C10orf105: variants seen among roughly 807,000 people sequenced by gnomAD.
The protein encoded by C10orf105 is uncharacterized protein C10orf105.
In C10orf105, 2 loss-of-function variants were observed where a neutral mutation model predicts 0.6. That is an observed-to-expected ratio of 3.18 (90% CI 1.30 to 10.01). The LOEUF is 10.01. Among genes scored for constraint, C10orf105 ranks in the 30% most tolerant of loss-of-function variants. C10orf105 has a pLI of 0.04. For missense variants in C10orf105, 209 were observed against 191.4 expected, an observed-to-expected ratio of 1.09 and a Z score of -0.54; for synonymous variants, 95 against 82.4, an observed-to-expected ratio of 1.15 and a Z score of -0.83.
At position 71,713,219 on chromosome 10, in the gene C10orf105, C is replaced by G. The variant is rs761307393; in HGVS notation, c.*2717G>C. The G allele has an allele frequency of 9.0e-6, 7 of 779,078 alleles. No individual in the cohort carries two copies. Among genetic ancestry groups the G allele is most frequent in the South Asian group, 8.1e-5 (6 of 74,478 alleles). The allele number at this position is 779,078 out of a possible 1,614,324, so 48.3% of individuals were successfully genotyped here. ...TCACAGAGCCCTTGGCCGAGGCTCC[C>G]CTCTTGGGAAGTAAACAGGCACAAG... On this transcript the variant is annotated 3_prime_UTR_variant, in exon 2 of 2. Transcript: ENST00000441508.
At chr10:71,734,234 C>A in intron 1 of C10orf105, 1 of 1,604,586 alleles carries the variant, frequency 6.2e-7, no homozygotes, top group Non-Finnish European at 8.5e-7. Context: ...GGCCCCTTCC[C>A]TGCAGGGTGT....
At chr10:71,729,493 C>A (rs1839281435) in intron 1 of C10orf105, among the ~76,000 whole-genome samples, 1 of 152,202 alleles carries the variant, frequency 6.6e-6, no homozygotes, top group African/African-American at 2.4e-5. Flanking sequence ...GCCCATCAAT[C>A]ATTGGCTCAG....
chr10:71,727,848 A>G (rs1866886008), intron 1 of C10orf105, among the ~76,000 whole-genome samples: 1 of 152,226 alleles, frequency 6.6e-6, no homozygotes, highest in South Asian at 2.1e-4. Context: ...CCACTTGCTC[A>G]GCAAGAACCT....
chr10:71,732,462 T>G, intron 1 of C10orf105: 1 of 1,522,040 alleles, frequency 6.6e-7, no homozygotes, highest in Non-Finnish European at 8.8e-7. Context: ...ACTCTCCTCT[T>G]TGTCATAAAA....
At chr10:71,731,303 G>A (rs2132822605) in intron 1 of C10orf105, among the ~76,000 whole-genome samples, 1 of 152,336 alleles carries the variant, frequency 6.6e-6, no homozygotes, top group East Asian at 1.9e-4. Context: ...CTACTCTGGT[G>A]GCTCCCAACT....
intron 1 of C10orf105, among the ~76,000 whole-genome samples, chr10:71,736,376 C>T (rs1390285455): frequency 6.6e-6 from 1 of 152,218 alleles, no homozygotes; most frequent in Non-Finnish European, 1.5e-5. Context: ...GGAACCCAAA[C>T]CACAGCTCAC....
chr10:71,720,420 AACACACACACACACAC>A (rs57346519), upstream of C10orf105, among the ~76,000 whole-genome samples: 45 of 145,750 alleles, frequency 3.1e-4, no homozygotes, highest in Non-Finnish European at 5.4e-4. Context: ...CTCTTTCCAA[AACACACACACACACAC>A]ACACACACAC....
At chr10:71,729,568 G>A (rs1839283375) in intron 1 of C10orf105, among the ~76,000 whole-genome samples, 1 of 152,194 alleles carries the variant, frequency 6.6e-6, no homozygotes, top group Admixed American at 6.5e-5. Flanking sequence ...CAACAGCCCG[G>A]GTGTGGGTGC....
At chr10:71,734,334 C>T in intron 1 of C10orf105, 1 of 1,607,812 alleles carries the variant, frequency 6.2e-7, no homozygotes, top group Non-Finnish European at 8.5e-7. Context: ...AAGGTGGACT[C>T]CACCGTGGTG....
upstream of C10orf105, among the ~76,000 whole-genome samples, chr10:71,724,597 C>T (rs1866723872): frequency 6.6e-6 from 1 of 152,196 alleles, no homozygotes; most frequent in Non-Finnish European, 1.5e-5. Context: ...CCACCGTGCC[C>T]CTGGGTTGGC....
At chr10:71,734,099 A>G (rs1839480544) in intron 1 of C10orf105, 7 of 719,098 alleles carry the variant, frequency 9.7e-6, no homozygotes. Flanking sequence ...GTGAGAGAGA[A>G]GAAGGAATTC....
intron 1 of C10orf105, chr10:71,725,448 G>A (rs1866766532): frequency 2.5e-6 from 4 of 1,614,040 alleles, no homozygotes; most frequent in Non-Finnish European, 3.4e-6. Flanking sequence ...TGGACCGGGA[G>A]CGGAACTCAT....
Position 71,734,080 on chromosome 10 carries a change from C to T in C10orf105, c.-6+3648G>A, listed in dbSNP as rs141789033. On this transcript the variant is annotated intron_variant, in intron 1 of 1. Transcript: ENST00000398786. ...AGGCTTCATGGAAGAGGTGGCTTCC[C>T]AGTGGAATGTGAGAGAGAAGAAGGA... 0.014 allele frequency among the ~76,000 whole-genome samples: 2,124 copies of T among 152,304 alleles called. 41 individuals are homozygous for T. Among genetic ancestry groups the T allele is most frequent in the Non-Finnish European group, 0.015 (1,054 of 68,024 alleles).
At chr10:71,732,496 G>A (rs1839426594) in intron 1 of C10orf105, 3 of 1,433,406 alleles carry the variant, frequency 2.1e-6, no homozygotes, top group Non-Finnish European at 2.8e-6. Context: ...GCCAAGTGTG[G>A]TGTTAGGTAC....
At position 71,712,735 on chromosome 10, in the gene C10orf105, C is replaced by T. The variant is rs1866028125; in HGVS notation, c.*3201G>A. On this transcript the variant is annotated 3_prime_UTR_variant, in exon 2 of 2. Coordinates refer to ENST00000441508, the MANE Select transcript of C10orf105 (RefSeq NM_001164375.3). ...TCGTCACTGTCCTGGATGTGAATGA[C>T]AACCGGCCCATCTTTCTGCAGAGCA... The T allele has an allele frequency of 6.2e-7, 1 of 1,613,708 alleles. No individual in the cohort carries two copies. The highest frequency in any genetic ancestry group is 8.5e-7 in the Non-Finnish European group (1 of 1,179,848).
At chr10:71,728,987 C>A (rs1017289453) in intron 1 of C10orf105, among the ~76,000 whole-genome samples, 1 of 152,062 alleles carries the variant, frequency 6.6e-6, no homozygotes, top group South Asian at 2.1e-4. Context: ...CGTGCTATCA[C>A]CCCTGGCTAA....
upstream of C10orf105, among the ~76,000 whole-genome samples, chr10:71,722,198 T>C (rs1214720053): frequency 6.6e-6 from 1 of 152,126 alleles, no homozygotes; most frequent in East Asian, 1.9e-4. Flanking sequence ...CCCACCACTT[T>C]GGGAAGCCAA....
Position 71,712,523 on chromosome 10 carries a change from GA to G in C10orf105, c.*3412del, listed in dbSNP as rs2132759756. ...TTAGTGTTATTCCTAAGCTAAAAAG[GA>G]AGTCACCCCTTGCAAAGGCTAGGGC... On this transcript the variant is annotated 3_prime_UTR_variant, in exon 2 of 2. Transcript: ENST00000441508. 2 of 774,876 alleles carry G rather than the reference GA, an allele frequency of 2.6e-6. No homozygotes were observed. Among genetic ancestry groups the G allele is most frequent in the South Asian group, 3.6e-5 (2 of 55,388 alleles). 48.0% of individuals were successfully genotyped at this position (774,876 alleles called of 1,614,324 possible).
Position 71,725,010 on chromosome 10 carries a change from G to T in C10orf105, c.-5-8668C>A, listed in dbSNP as rs139549269. 4.6e-3 allele frequency among the ~76,000 whole-genome samples: 697 copies of T among 152,314 alleles called. 3 individuals carry two copies. Among genetic ancestry groups the T allele is most frequent in the Non-Finnish European group, 7.0e-3 (475 of 68,028 alleles). ...CAGTCCCTCTTTTTGGAGTGCCCCA[G>T]GTTCTTCTGAAATATTAAAAAGGCC... On this transcript the variant is annotated intron_variant, in intron 1 of 1. Transcript: ENST00000398786.
Sources: allele counts gnomAD v4.1 joint callset (sites outside exome capture counted in the v4.1 genomes callset), GRCh38; gene constraint gnomAD v4.1.1; transcripts MANE v1.5; gene names NCBI Gene and HGNC (gene_info 2026-07-23, HGNC 2026-07-21).